Variants in PTPRD observed in about 807,000 individuals in gnomAD.
PTPRD encodes the protein receptor-type tyrosine-protein phosphatase delta.
Under a neutral mutation model 214.5 loss-of-function variants are expected in PTPRD, and 34 were observed. That is an observed-to-expected ratio of 0.16 (90% CI 0.12 to 0.21). The LOEUF is 0.21. Ranked by LOEUF, PTPRD falls within the 10% of genes least tolerant of loss-of-function variation. The pLI is 1.00. For synonymous variants in PTPRD, 1,128 were observed against 845.7 expected (o/e 1.33, Z -5.79); for missense variants, 2,545 against 2,398.7 (o/e 1.06, Z -1.27).
intron 4 of PTPRD, among the ~76,000 whole-genome samples, chr9:9,992,434 G>A (rs1336778636): frequency 3.3e-5 from 5 of 152,134 alleles, no homozygotes; most frequent in Admixed American, 1.3e-4. Context: ...ATTTGACCCA[G>A]CCATCCCATT....
intron 10 of PTPRD, among the ~76,000 whole-genome samples, chr9:9,173,290 G>C (rs2099922584): frequency 1.3e-5 from 2 of 151,934 alleles, no homozygotes; most frequent in South Asian, 2.1e-4. Flanking sequence ...ACTTTATCTT[G>C]TCCTAATAGT....
intron 3 of PTPRD, among the ~76,000 whole-genome samples, chr9:10,108,090 G>C (rs143753804): frequency 2.6e-5 from 4 of 152,046 alleles, no homozygotes; most frequent in Non-Finnish European, 5.9e-5. Flanking sequence ...ACATCTGTGG[G>C]TGTCCAATCA....
chr9:10,369,275 T>C (rs576186136), intron 2 of PTPRD, among the ~76,000 whole-genome samples: 1 of 152,262 alleles, frequency 6.6e-6, no homozygotes, highest in South Asian at 2.1e-4. Flanking sequence ...GATGCCATTA[T>C]CCTTTATTTT....
At chr9:10,179,577 C>T (rs2099269899) in intron 3 of PTPRD, among the ~76,000 whole-genome samples, 2 of 151,908 alleles carry the variant, frequency 1.3e-5, no homozygotes, top group African/African-American at 4.8e-5. Context: ...GAAGTAAGTG[C>T]ATATTAAAAT....
intron 6 of PTPRD, among the ~76,000 whole-genome samples, chr9:9,753,394 G>A (rs1220101255): frequency 1.3e-5 from 2 of 152,002 alleles, no homozygotes; most frequent in Non-Finnish European, 1.5e-5. Context: ...TTAAGTGTCT[G>A]TCAGTGTTTC....
intron 5 of PTPRD, among the ~76,000 whole-genome samples, chr9:9,903,978 C>T (rs1392057360): frequency 6.6e-6 from 1 of 152,112 alleles, no homozygotes; most frequent in East Asian, 1.9e-4. Context: ...TATCTTGGGT[C>T]AAAGCCCCTG....
At chr9:9,392,632 G>T (rs937346972) in intron 9 of PTPRD, among the ~76,000 whole-genome samples, 3 of 152,094 alleles carry the variant, frequency 2.0e-5, no homozygotes, top group South Asian at 4.1e-4. Flanking sequence ...AGGCTATAAA[G>T]AGATCCTTTC....
At chr9:10,076,193 T>C (rs2098129477) in intron 3 of PTPRD, among the ~76,000 whole-genome samples, 1 of 152,112 alleles carries the variant, frequency 6.6e-6, no homozygotes, top group South Asian at 2.1e-4. Flanking sequence ...CGTCTTGCAC[T>C]GCCTGCCGCC....
intron 35 of PTPRD, among the ~76,000 whole-genome samples, chr9:8,418,761 A>C (rs563535944): frequency 6.6e-6 from 1 of 152,082 alleles, no homozygotes; most frequent in Non-Finnish European, 1.5e-5. Context: ...CATAGACTTT[A>C]CAGCAATTAT....
intron 9 of PTPRD, among the ~76,000 whole-genome samples, chr9:9,362,737 G>A (rs1171492528): frequency 6.6e-6 from 1 of 151,180 alleles, no homozygotes; most frequent in East Asian, 1.9e-4. Flanking sequence ...TACTTTTGAA[G>A]TCTATTAACT....
chr9:9,902,153 T>C (rs1401767514), intron 5 of PTPRD, among the ~76,000 whole-genome samples: 1 of 152,162 alleles, frequency 6.6e-6, no homozygotes, highest in Admixed American at 6.5e-5. Context: ...CCATCAGCCT[T>C]ATTGTTGATT....
chr9:8,355,679 C>T (rs756864700), intron 39 of PTPRD, among the ~76,000 whole-genome samples: 9 of 152,126 alleles, frequency 5.9e-5, no homozygotes, highest in Admixed American at 4.6e-4. Context: ...ATGTATCAAT[C>T]GCCATGCAGT....
At chr9:9,105,605 G>C (rs572355155) in intron 10 of PTPRD, among the ~76,000 whole-genome samples, 2 of 152,256 alleles carry the variant, frequency 1.3e-5, no homozygotes, top group South Asian at 4.1e-4. Flanking sequence ...CACAAGATTA[G>C]AGGTGACTGA....
intron 11 of PTPRD, among the ~76,000 whole-genome samples, chr9:8,938,269 G>C (rs2099010275): frequency 6.6e-6 from 1 of 151,876 alleles, no homozygotes; most frequent in South Asian, 2.1e-4. Flanking sequence ...GAGGGGAGAA[G>C]AGGAGAAGAG....
chr9:8,343,592 T>G (rs10815824), intron 39 of PTPRD, among the ~76,000 whole-genome samples: 15,473 of 152,038 alleles, frequency 0.1, 905 homozygotes, highest in African/African-American at 0.15. Flanking sequence ...TCCCCATTCC[T>G]ACCCTCCCAG....
At chr9:10,086,610 T>C (rs569895392) in intron 3 of PTPRD, among the ~76,000 whole-genome samples, 3 of 151,930 alleles carry the variant, frequency 2.0e-5, no homozygotes, top group East Asian at 3.9e-4. Flanking sequence ...TCCTTCCTGA[T>C]TGTGAGGATT....
At chr9:8,862,013 T>C (rs1323932444) in intron 11 of PTPRD, 2 of 152,210 alleles carry the variant, frequency 1.3e-5, no homozygotes, top group South Asian at 2.1e-4. Context: ...ATTTAAGTTA[T>C]ACAGCATTTC....
chr9:10,009,023 C>G (rs542554986), intron 4 of PTPRD, among the ~76,000 whole-genome samples: 1 of 151,304 alleles, frequency 6.6e-6, no homozygotes, highest in South Asian at 2.1e-4. Context: ...CAAACTTGTT[C>G]TCTAATAATG....
intron 14 of PTPRD, among the ~76,000 whole-genome samples, chr9:8,581,366 T>C (rs926536948): frequency 2.6e-5 from 4 of 152,202 alleles, no homozygotes; most frequent in African/African-American, 9.6e-5. Context: ...TTCTCATTGT[T>C]TGAACACAGT....
Sources: gnomAD v4.1 joint callset for allele counts (sites outside exome capture counted in the v4.1 genomes callset) on GRCh38, gnomAD v4.1.1 for gene constraint, MANE v1.5 for transcripts, NCBI Gene and HGNC (gene_info 2026-07-23, HGNC 2026-07-21) for gene names.